Variants in SHOX2 observed in about 807,000 individuals in gnomAD.
The protein encoded by SHOX2 is short stature homeobox protein 2.
In SHOX2, 13 loss-of-function variants were observed where a neutral mutation model predicts 31.3. The observed-to-expected ratio is 0.42, with a 90% CI of 0.27 to 0.66. The LOEUF (loss-of-function observed/expected upper bound fraction) is 0.66, where lower values mean the gene tolerates loss of function less well. Ranked by LOEUF, SHOX2 falls within the 30% of genes least tolerant of loss-of-function variation. The probability of loss-of-function intolerance (pLI) is 0.27; values close to 1 mark genes in which losing one functional copy is unlikely to be tolerated. For missense variants in SHOX2, 473 were observed against 443.0 expected (o/e 1.07, Z -0.61); for synonymous variants, 244 against 196.2 (o/e 1.24, Z -2.04).
intron 1 of SHOX2, among the ~76,000 whole-genome samples, 162 bp downstream of exon 1, chr3:158,105,517 G>T (rs1713841318): frequency 6.6e-6 from 1 of 151,194 alleles, no homozygotes; most frequent in South Asian, 2.1e-4. Context: ...CATACCACCG[G>T]ACCCCCACCC....
At chr3:158,105,088 G>A (rs1291725984) in intron 1 of SHOX2, 4 of 1,494,544 alleles carry the variant, frequency 2.7e-6, no homozygotes, top group Admixed American at 4.3e-5. Context: ...CCCGGGAGAA[G>A]CAGCGTAGCC....
Position 158,098,182 on chromosome 3 carries a change from G to A in SHOX2, c.805C>T (p.Pro269Ser), listed in dbSNP as rs1713253628. The change falls in exon 5 of 5, where the codon CCC becomes TCC. Residue 269 changes from proline (P) to serine (S), a missense_variant. Pro to Ser is a moderately conservative substitution (Grantham distance 74). Around this residue, in one of 3 missense-constraint regions of SHOX2, gnomAD observed 182 missense variants for 167.2 expected, o/e 1.09. Transcript: ENST00000483851. ...HAPYMMFPAP[P>S]FGLPLATLAA... ...AGCGTGGCGAGCGGCAGTCCGAAGG[G>A]CGGTGCTGGGAACATCATGTAGGGC... 2.5e-6 allele frequency: 4 copies of A among 1,613,716 alleles called. No homozygotes were observed. The highest frequency in any genetic ancestry group is 3.4e-6 in the Non-Finnish European group (4 of 1,179,798).
rs757096073 is a variant in SHOX2, at chr3:158,106,004, G to A, written c.21C>T (p.Phe7=). MEELTA[F]VSKSFDQKVK... ...CTTTCTGGTCAAAAGACTTGGAGACGAACGCCGTAAGTTCTTCCATCGCCG... is the reference window on the plus strand; with the variant it reads ...CTTTCTGGTCAAAAGACTTGGAGACAAACGCCGTAAGTTCTTCCATCGCCG... Residue 7 remains phenylalanine (F), a synonymous_variant, in exon 1 of 5, where the codon TTC becomes TTT. Transcript: ENST00000483851. 2.5e-6 allele frequency: 4 copies of A among 1,612,900 alleles called. No homozygotes were observed. The highest frequency in any genetic ancestry group is 1.6e-4 in the Middle Eastern group (1 of 6,084).
In SHOX2 at chr3:158,096,499, AAGTC is replaced by A. The variant is rs1469132975; in HGVS notation, c.*1524_*1527del. 1 of 152,570 alleles carries A rather than the reference AAGTC, an allele frequency of 6.6e-6. No individual in the cohort carries two copies. Among genetic ancestry groups the A allele is most frequent in the Non-Finnish European group, 1.5e-5 (1 of 68,012 alleles). 9.5% of individuals were successfully genotyped at this position (152,570 alleles called of 1,614,324 possible). A position where few individuals can be genotyped will look rare whatever the true frequency, so the allele number is the denominator to read the frequency against. On this transcript the variant is annotated 3_prime_UTR_variant, in exon 5 of 5. Transcript: ENST00000483851. ...TTGTGAGATAAAATGCAAATGTTGA[AAGTC>A]AGTCCACACATTATAGTCAAAATAA... is the stretch of plus-strand genomic sequence containing the variant.
chr3:158,102,254 A>C (rs1713538069), intron 2 of SHOX2, among the ~76,000 whole-genome samples: 1 of 152,258 alleles, frequency 6.6e-6, no homozygotes, highest in African/African-American at 2.4e-5. Flanking sequence ...CCTGCAGAGC[A>C]GACTTTCAAG....
chr3:158,105,286 G>A, intron 1 of SHOX2: 1 of 620,344 alleles, frequency 1.6e-6, no homozygotes, highest in Non-Finnish European at 2.9e-6. Flanking sequence ...TGCGCTAGAG[G>A]CTAGCTTTAG....
At position 158,096,442 on chromosome 3, in the gene SHOX2, A is replaced by C. The variant is rs1390961053; in HGVS notation, c.*1585T>G. The C allele has an allele frequency of 2.1e-5, 1 of 48,138 alleles. No homozygotes were observed. The allele number at this position is 48,138 out of a possible 1,614,324, so 3.0% of individuals were successfully genotyped here. A position where few individuals can be genotyped will look rare whatever the true frequency, so the allele number is the denominator to read the frequency against. Reference sequence around the variant, plus strand: ...AAAAACAAAAAAGAAACAAACAAACAAAAAAAAAAGGTTACTTGAATAGAT... The same window carrying C: ...AAAAACAAAAAAGAAACAAACAAACCAAAAAAAAAGGTTACTTGAATAGAT... On this transcript the variant is annotated 3_prime_UTR_variant, in exon 5 of 5. Transcript: ENST00000483851.
At chr3:158,100,225 A>G (rs1430888837) in intron 3 of SHOX2, 29 bp downstream of exon 3, 2 of 1,523,068 alleles carry the variant, frequency 1.3e-6, no homozygotes, top group African/African-American at 2.8e-5. Context: ...TGCTCAGACT[A>G]TCAAATGTTC....
At position 158,106,179 on chromosome 3, in the gene SHOX2, A is replaced by G; in HGVS notation, c.-155T>C. 2.4e-6 allele frequency: 3 copies of G among 1,255,050 alleles called. No homozygotes were observed. The highest frequency in any genetic ancestry group is 3.2e-6 in the Non-Finnish European group (3 of 923,958). 77.7% of individuals were successfully genotyped at this position (1,255,050 alleles called of 1,614,324 possible). A position where few individuals can be genotyped will look rare whatever the true frequency, so the allele number is the denominator to read the frequency against. On this transcript the variant is annotated 5_prime_UTR_variant, in exon 1 of 5. Coordinates refer to ENST00000483851, the MANE Select transcript of SHOX2 (RefSeq NM_001163678.2). The stretch of plus-strand genomic sequence containing the variant: ...AGGGAGGAGGAGAAAGAAGAAGAAA[A>G]AGAGGAGAAGAAAGAAGAAAGAGGA...
In SHOX2 at chr3:158,097,299, G is replaced by A. The variant is rs6441173; in HGVS notation, c.*728C>T. 0.9 allele frequency: 137,648 copies of A among 152,594 alleles called. 62,309 individuals are homozygous for A. The highest frequency in any genetic ancestry group is 1 in the East Asian group (5,154 of 5,162). 9.5% of individuals were successfully genotyped at this position (152,594 alleles called of 1,614,324 possible). A position where few individuals can be genotyped will look rare whatever the true frequency, so the allele number is the denominator to read the frequency against. ...CCGCCTCTCTCATCAAATTTCTCGT[G>A]TTAACGTGAACTTCGCAGAAAAAGG... is the stretch of plus-strand genomic sequence containing the variant. On this transcript the variant is annotated 3_prime_UTR_variant, in exon 5 of 5. Coordinates refer to ENST00000483851, the MANE Select transcript of SHOX2 (RefSeq NM_001163678.2).
Position 158,105,960 on chromosome 3 carries a change from G to T in SHOX2, c.65C>A (p.Ala22Glu). The T allele has an allele frequency of 6.2e-7, 1 of 1,612,644 alleles. No individual in the cohort carries two copies. The highest frequency in any genetic ancestry group is 8.5e-7 in the Non-Finnish European group (1 of 1,179,690). Reference protein sequence around the residue: ...FDQKVKEKKEAITYREVLESG... With the variant: ...FDQKVKEKKEEITYREVLESG... ...CTCCAGCACCTCCCGGTACGTGATCGCCTCCTTCTTCTCCTTCACTTTCTG... is the reference window on the plus strand; with the variant it reads ...CTCCAGCACCTCCCGGTACGTGATCTCCTCCTTCTTCTCCTTCACTTTCTG... Residue 22 changes from alanine to glutamate, a missense_variant, in exon 1 of 5, where the codon GCG becomes GAG. By Grantham distance (107) the Ala-to-Glu change is moderately radical. Around this residue, in one of 3 missense-constraint regions of SHOX2, gnomAD observed 276 missense variants for 230.0 expected, o/e 1.20. Coordinates refer to ENST00000483851, the MANE Select transcript of SHOX2 (RefSeq NM_001163678.2).
At position 158,105,029 on chromosome 3, in the gene SHOX2, GCCGCCCCCCCCCC is replaced by G. The variant is rs758739165; in HGVS notation, c.346+637_346+649del. The G allele has an allele frequency of 3.1e-3, 699 of 227,686 alleles. 36 individuals are homozygous for G. The East Asian group carries it at 0.071, about 23-fold the overall frequency. The allele number at this position is 227,686 out of a possible 1,614,324, so 14.1% of individuals were successfully genotyped here. On this transcript the variant is annotated intron_variant, in intron 1 of 4. Coordinates refer to ENST00000483851, the MANE Select transcript of SHOX2 (RefSeq NM_001163678.2). Reference sequence around the variant, plus strand: ...GTAAATATAGATCCCCACCTCCCCCGCCGCCCCCCCCCCCCGCCCCCAACACACCAAGAAACCG... The same window carrying G: ...GTAAATATAGATCCCCACCTCCCCCGCCGCCCCCAACACACCAAGAAACCG...
Position 158,106,281 on chromosome 3 carries a change from G to C in SHOX2, c.-257C>G. On this transcript the variant is annotated 5_prime_UTR_variant, in exon 1 of 5. Transcript: ENST00000483851. ...GGAAGAGGGGGAGAAGGGTGAAGAG[G>C]AGAGGGAGGAGGAGGAGGAGAAGAG... 1 of 515,640 alleles carries C rather than the reference G, an allele frequency of 1.9e-6. No individual in the cohort carries two copies. The allele number at this position is 515,640 out of a possible 1,614,324, so 31.9% of individuals were successfully genotyped here. A position where few individuals can be genotyped will look rare whatever the true frequency, so the allele number is the denominator to read the frequency against.
chr3:158,097,802 A>C lies in SHOX2; in HGVS notation c.*225T>G. ...CCCAATTCTAGGCCCTCGAGTAGGAAAACGGGCAGGAGCCACGGAGCCTGC... is the reference window on the plus strand; with the variant it reads ...CCCAATTCTAGGCCCTCGAGTAGGACAACGGGCAGGAGCCACGGAGCCTGC... On this transcript the variant is annotated 3_prime_UTR_variant, in exon 5 of 5. Coordinates refer to ENST00000483851, the MANE Select transcript of SHOX2 (RefSeq NM_001163678.2). The C allele has an allele frequency of 1.6e-6, 1 of 611,108 alleles. No homozygotes were observed. 37.9% of individuals were successfully genotyped at this position (611,108 alleles called of 1,614,324 possible). A position where few individuals can be genotyped will look rare whatever the true frequency, so the allele number is the denominator to read the frequency against.
At chr3:158,105,603 C>G in intron 1 of SHOX2, 76 bp downstream of exon 1, 1 of 1,358,902 alleles carries the variant, frequency 7.4e-7, no homozygotes, top group Admixed American at 2.6e-5. Context: ...CGCTGGGCCT[C>G]GGAGTCCTCT....
Position 158,097,926 on chromosome 3 carries a change from G to A in SHOX2, c.*101C>T. 3 of 1,427,514 alleles carry A rather than the reference G, an allele frequency of 2.1e-6. No homozygotes were observed. The highest frequency in any genetic ancestry group is 2.3e-5 in the East Asian group (1 of 43,426). 88.4% of individuals were successfully genotyped at this position (1,427,514 alleles called of 1,614,324 possible). Reference sequence around the variant, plus strand: ...GGTCAGTGAGGCGGGAAGAGGGCCGGCTCCCGAGGTCTCAAAGGGGTAACG... The same window carrying A: ...GGTCAGTGAGGCGGGAAGAGGGCCGACTCCCGAGGTCTCAAAGGGGTAACG... On this transcript the variant is annotated 3_prime_UTR_variant, in exon 5 of 5. Coordinates refer to ENST00000483851, the MANE Select transcript of SHOX2 (RefSeq NM_001163678.2).
chr3:158,106,024 TCGC>T lies in SHOX2; in HGVS notation c.-3_-1del, dbSNP rs569202609. The stretch of plus-strand genomic sequence containing the variant: ...GAGACGAACGCCGTAAGTTCTTCCA[TCGC>T]CGCCGCACGTCAGCCCGGCGCTCAA... On this transcript the variant is annotated 5_prime_UTR_variant, in exon 1 of 5. Transcript: ENST00000483851. 1,328 of 1,612,634 alleles carry T rather than the reference TCGC, an allele frequency of 8.2e-4. 18 individuals are homozygous for T. The South Asian group carries it at 0.014, about 17-fold the overall frequency.
rs769658802 is a variant in SHOX2 at position 158,096,889 on chromosome 3, AATATATATATATATAT to A, written c.*1122_*1137del. Reference sequence around the variant, plus strand: ...GTTCCCCAGGATCAAAGACAGGGCAAATATATATATATATATATATATATATATATATATATATATA... The same window carrying A: ...GTTCCCCAGGATCAAAGACAGGGCAAATATATATATATATATATATATATA... On this transcript the variant is annotated 3_prime_UTR_variant, in exon 5 of 5. Coordinates refer to ENST00000483851, the MANE Select transcript of SHOX2 (RefSeq NM_001163678.2). The A allele has an allele frequency of 4.6e-3, 106 of 23,100 alleles. 4 individuals are homozygous for A. Among genetic ancestry groups the A allele is most frequent in the East Asian group, 0.036 (18 of 506 alleles). 1.4% of individuals were successfully genotyped at this position (23,100 alleles called of 1,614,324 possible). A position where few individuals can be genotyped will look rare whatever the true frequency, so the allele number is the denominator to read the frequency against.
intron 2 of SHOX2, 144 bp downstream of exon 2, chr3:158,102,534 A>G (rs1713557109): frequency 3.1e-6 from 2 of 655,598 alleles, no homozygotes; most frequent in Admixed American, 2.8e-5. Flanking sequence ...TTTGGAAAAT[A>G]AGACCTCTAG....
Sources: gnomAD v4.1 joint callset for allele counts (sites outside exome capture counted in the v4.1 genomes callset) on GRCh38, gnomAD v4.1.1 for gene constraint, gnomAD v4.1.1 regional missense constraint, MANE v1.5 for transcripts, NCBI Gene and HGNC (gene_info 2026-07-23, HGNC 2026-07-21) for gene names.